Variants in SHISA9 observed in about 807,000 individuals in gnomAD.
SHISA9 encodes protein shisa-9.
In SHISA9, 13 loss-of-function variants were observed where a neutral mutation model predicts 38.0. The ratio of observed to expected loss-of-function variants is 0.34; its 90% CI spans 0.22 to 0.54. SHISA9 has a LOEUF of 0.54. Among genes scored for constraint, SHISA9 ranks in the 20% least tolerant of loss-of-function variants. The pLI, the probability that SHISA9 is intolerant of heterozygous loss-of-function variation, is 0.91. For synonymous variants in SHISA9, 275 were observed against 242.0 expected, an observed-to-expected ratio of 1.14 and a Z score of -1.27; for missense variants, 538 against 575.8, an observed-to-expected ratio of 0.93 and a Z score of 0.67.
At chr16:13,262,680 G>A in the SHISA9 span, among the ~76,000 whole-genome samples, 2 of 139,742 alleles carry the variant, frequency 1.4e-5, no homozygotes, top group African/African-American at 5.4e-5. Flanking sequence ...AAGGGAGGGA[G>A]GAAGGAAGGA....
chr16:13,295,360 C>G, the SHISA9 span, among the ~76,000 whole-genome samples: 1 of 152,190 alleles, frequency 6.6e-6, no homozygotes, highest in African/African-American at 2.4e-5. Context: ...AGAGAAGCTG[C>G]TCAGTGGCTC....
chr16:13,528,567 A>G, the SHISA9 span, among the ~76,000 whole-genome samples: 1 of 152,190 alleles, frequency 6.6e-6, no homozygotes, highest in African/African-American at 2.4e-5. Context: ...TCCCAAAAAG[A>G]AAGAAAGGCA....
chr16:13,099,779 C>T (rs2073860902), intron 2 of SHISA9, among the ~76,000 whole-genome samples: 1 of 152,200 alleles, frequency 6.6e-6, no homozygotes, highest in Admixed American at 6.5e-5. Context: ...CTGCCTTTTT[C>T]TCTGAGTGGG....
chr16:12,930,980 A>T (rs900215044), intron 2 of SHISA9, among the ~76,000 whole-genome samples: 2 of 152,204 alleles, frequency 1.3e-5, no homozygotes, highest in Admixed American at 1.3e-4. Context: ...TTGACTTTGA[A>T]TCCAAAAATA....
At chr16:13,464,459 A>G in the SHISA9 span, among the ~76,000 whole-genome samples, 3 of 152,334 alleles carry the variant, frequency 2.0e-5, no homozygotes, top group East Asian at 3.9e-4. Flanking sequence ...GGTTCTCCCT[A>G]TCAGCCTAAG....
the SHISA9 span, among the ~76,000 whole-genome samples, chr16:13,535,254 A>C: frequency 1.3e-5 from 2 of 152,176 alleles, no homozygotes; most frequent in Non-Finnish European, 2.9e-5. Flanking sequence ...TCAAAAAATA[A>C]ATAAATAAAA....
chr16:13,443,305 G>A, the SHISA9 span, among the ~76,000 whole-genome samples: 1 of 152,182 alleles, frequency 6.6e-6, no homozygotes, highest in Non-Finnish European at 1.5e-5. Flanking sequence ...TAGGAGAGGA[G>A]GTTTGGGAGA....
the SHISA9 span, among the ~76,000 whole-genome samples, chr16:13,346,994 G>A: frequency 1.4e-4 from 21 of 152,138 alleles, no homozygotes; most frequent in African/African-American, 4.1e-4. Context: ...ATGTAATGTG[G>A]CATGTGGATC....
chr16:12,967,555 A>G (rs2071996065), intron 2 of SHISA9, among the ~76,000 whole-genome samples: 2 of 151,746 alleles, frequency 1.3e-5, no homozygotes, highest in South Asian at 4.2e-4. Context: ...AACTTAAAGT[A>G]TAATAATAAT....
chr16:13,211,491 A>C (rs775716332), intron 3 of SHISA9, among the ~76,000 whole-genome samples: 2 of 152,142 alleles, frequency 1.3e-5, no homozygotes, highest in Non-Finnish European at 2.9e-5. Context: ...CATCCCAATA[A>C]AAATGAGAAA....
intron 2 of SHISA9, among the ~76,000 whole-genome samples, chr16:13,128,008 C>T (rs1198025194): frequency 6.6e-6 from 1 of 152,188 alleles, no homozygotes; most frequent in Non-Finnish European, 1.5e-5. Flanking sequence ...CGTCTGTGAA[C>T]GGGACCTTTC....
chr16:13,096,909 CT>C (rs2073833750), intron 2 of SHISA9, among the ~76,000 whole-genome samples: 1 of 151,712 alleles, frequency 6.6e-6, no homozygotes, highest in African/African-American at 2.4e-5. Context: ...TCTCTGACGC[CT>C]ATTTTAGAGT....
At chr16:13,077,192 C>T (rs909156410) in intron 2 of SHISA9, among the ~76,000 whole-genome samples, 1 of 152,080 alleles carries the variant, frequency 6.6e-6, no homozygotes, top group African/African-American at 2.4e-5. Flanking sequence ...CAGCAGTTGG[C>T]TTTATCTCTG....
the SHISA9 span, among the ~76,000 whole-genome samples, chr16:13,513,749 C>G: frequency 6.6e-6 from 1 of 152,158 alleles, no homozygotes; most frequent in Non-Finnish European, 1.5e-5. Flanking sequence ...GAAAACCAAA[C>G]ACTGCAAGTT....
At chr16:13,031,321 C>T (rs886932672) in intron 2 of SHISA9, among the ~76,000 whole-genome samples, 4 of 152,150 alleles carry the variant, frequency 2.6e-5, no homozygotes, top group Non-Finnish European at 5.9e-5. Flanking sequence ...GGGAACTGAA[C>T]GAGCTCTGTT....
chr16:13,062,690 G>A (rs1265663764), intron 2 of SHISA9, among the ~76,000 whole-genome samples: 5 of 152,132 alleles, frequency 3.3e-5, no homozygotes, highest in African/African-American at 1.2e-4. Context: ...TTTTGCCCCT[G>A]ACTAATTTGG....
At position 13,007,042 on chromosome 16, in the gene SHISA9, A is replaced by G. The variant is rs1460002066; in HGVS notation, c.691+90227A>G. ...AGCCCCCAAATTATTCACTTGTTAA[A>G]TGAATAATTCCATAGATATCTATGG... On this transcript the variant is annotated intron_variant, in intron 2 of 4. Coordinates refer to ENST00000558583, the MANE Select transcript of SHISA9 (RefSeq NM_001145204.3). Among the ~76,000 whole-genome samples, 6 of 152,296 alleles carry G rather than the reference A, an allele frequency of 3.9e-5. No homozygotes were observed. The East Asian group carries it at 5.8e-4, about 15-fold the overall frequency.
At chr16:12,910,487 C>T (rs1423490499) in intron 1 of SHISA9, 4 of 985,258 alleles carry the variant, frequency 4.1e-6, no homozygotes, top group Non-Finnish European at 4.8e-6. Flanking sequence ...GAAAGTTGAG[C>T]CAGCACTTTT....
At chr16:13,518,357 G>A in the SHISA9 span, among the ~76,000 whole-genome samples, 4 of 151,964 alleles carry the variant, frequency 2.6e-5, no homozygotes, top group East Asian at 1.9e-4. Flanking sequence ...ACAGTGTGCC[G>A]CCGACCTGAG....
Sources: allele counts gnomAD v4.1 joint callset (sites outside exome capture counted in the v4.1 genomes callset), GRCh38; gene constraint gnomAD v4.1.1; transcripts MANE v1.5; gene names NCBI Gene and HGNC (gene_info 2026-07-23, HGNC 2026-07-21).